Variants in PLXDC2 observed in about 807,000 individuals in gnomAD.
PLXDC2 encodes the protein plexin domain containing 2.
In PLXDC2, 40 loss-of-function variants were observed where a neutral mutation model predicts 68.9. That is an observed-to-expected ratio of 0.58 (90% CI 0.45 to 0.76). The LOEUF (loss-of-function observed/expected upper bound fraction) is 0.76. Ranked by LOEUF, PLXDC2 falls within the 30% of genes least tolerant of loss-of-function variation. The probability of loss-of-function intolerance (pLI) is 0.00; values close to 1 mark genes in which losing one functional copy is unlikely to be tolerated. For synonymous variants in PLXDC2, 243 were observed against 234.2 expected (o/e 1.04, Z -0.34); for missense variants, 644 against 661.9 (o/e 0.97, Z 0.30).
intron 9 of PLXDC2, among the ~76,000 whole-genome samples, chr10:20,203,292 A>T (rs933454431): frequency 2.8e-5 from 4 of 144,720 alleles, no homozygotes; most frequent in Admixed American, 1.4e-4. Flanking sequence ...AATAAGATGA[A>T]TTTTTTTTTT....
intron 1 of PLXDC2, among the ~76,000 whole-genome samples, chr10:19,845,653 T>A (rs1170108217): frequency 4.6e-5 from 7 of 152,152 alleles, no homozygotes; most frequent in African/African-American, 1.7e-4. Context: ...GCCCTGGTGA[T>A]GTTGCAGCTC....
chr10:19,823,223 A>G (rs542331254), intron 1 of PLXDC2, among the ~76,000 whole-genome samples: 1 of 152,254 alleles, frequency 6.6e-6, no homozygotes, highest in Non-Finnish European at 1.5e-5. Flanking sequence ...ATCTTAAAAT[A>G]TGATATACAT....
intron 1 of PLXDC2, among the ~76,000 whole-genome samples, chr10:19,966,100 A>G (rs1834243574): frequency 6.6e-6 from 1 of 151,396 alleles, no homozygotes; most frequent in Non-Finnish European, 1.5e-5. Context: ...ACTAAAAAAC[A>G]CACAGTAAAG....
intron 1 of PLXDC2, among the ~76,000 whole-genome samples, chr10:19,940,998 TG>T (rs1342022963): frequency 1.3e-5 from 2 of 152,236 alleles, no homozygotes; most frequent in Non-Finnish European, 2.9e-5. Flanking sequence ...TCTTTAATTT[TG>T]TAAGTAAATA....
chr10:20,176,382 GCA>G (rs1281432927), intron 7 of PLXDC2, among the ~76,000 whole-genome samples: 1 of 61,044 alleles, frequency 1.6e-5, no homozygotes, highest in Non-Finnish European at 3.6e-5. Flanking sequence ...TCATCATCTC[GCA>G]CAGTTATGTG....
intron 9 of PLXDC2, among the ~76,000 whole-genome samples, chr10:20,207,824 C>T (rs1835013202): frequency 6.6e-6 from 1 of 151,470 alleles, no homozygotes; most frequent in Non-Finnish European, 1.5e-5. Context: ...AGATGGTAGG[C>T]ATAAAATAGC....
chr10:19,979,207 AG>A (rs911113997), intron 1 of PLXDC2, among the ~76,000 whole-genome samples: 3 of 152,136 alleles, frequency 2.0e-5, no homozygotes, highest in Non-Finnish European at 4.4e-5. Context: ...GAAAAAAGGA[AG>A]GGGGAGATTA....
intron 2 of PLXDC2, among the ~76,000 whole-genome samples, chr10:20,021,753 G>A (rs1020510938): frequency 6.6e-6 from 1 of 151,776 alleles, no homozygotes; most frequent in African/African-American, 2.4e-5. Context: ...AGGCTGGAGT[G>A]CAGTGGCGTG....
At chr10:20,086,675 G>C (rs1483870561) in intron 4 of PLXDC2, among the ~76,000 whole-genome samples, 1 of 152,120 alleles carries the variant, frequency 6.6e-6, no homozygotes, top group Non-Finnish European at 1.5e-5. Context: ...ACATAGAAGA[G>C]AAGGTTTTCT....
chr10:20,168,261 G>C (rs1179895472), intron 7 of PLXDC2, among the ~76,000 whole-genome samples: 1 of 152,108 alleles, frequency 6.6e-6, no homozygotes, highest in East Asian at 1.9e-4. Flanking sequence ...ATTGATTTCT[G>C]TAACTTTCTT....
At chr10:20,101,281 T>C (rs145175829) in intron 4 of PLXDC2, among the ~76,000 whole-genome samples, 16 of 152,280 alleles carry the variant, frequency 1.1e-4, no homozygotes, top group Non-Finnish European at 2.1e-4. Flanking sequence ...AAAGTTTGTG[T>C]TGATTCTGAG....
At chr10:19,865,226 A>C (rs1837391228) in intron 1 of PLXDC2, among the ~76,000 whole-genome samples, 2 of 152,178 alleles carry the variant, frequency 1.3e-5, no homozygotes, top group African/African-American at 4.8e-5. Context: ...GTGACTCTTC[A>C]CCTGTAGCCA....
In PLXDC2 at chr10:20,280,900, G is replaced by C. The variant is rs555764387; in HGVS notation, c.*1081G>C. ...GTAATTTTCTTTAAAGCACATAGTA[G>C]TTACATAAATATATATATATAAATA... is the stretch of plus-strand genomic sequence containing the variant. On this transcript the variant is annotated 3_prime_UTR_variant, in exon 14 of 14. Transcript: ENST00000377252. 5.3e-5 allele frequency: 8 copies of C among 151,810 alleles called. No homozygotes were observed. The South Asian group carries it at 1.7e-3, about 32-fold the overall frequency. 9.4% of individuals were successfully genotyped at this position (151,810 alleles called of 1,614,324 possible). A position where few individuals can be genotyped will look rare whatever the true frequency, so the allele number is the denominator to read the frequency against.
At chr10:20,086,168 G>C (rs547993138) in intron 4 of PLXDC2, among the ~76,000 whole-genome samples, 5 of 151,824 alleles carry the variant, frequency 3.3e-5, no homozygotes, top group Admixed American at 2.0e-4. Context: ...GAGAGCTAGT[G>C]CTTGTTGACG....
intron 1 of PLXDC2, among the ~76,000 whole-genome samples, chr10:19,836,315 A>C (rs898821279): frequency 6.6e-6 from 1 of 152,206 alleles, no homozygotes; most frequent in East Asian, 1.9e-4. Flanking sequence ...GAAGACAATC[A>C]GTAGGTGCAT....
chr10:19,854,490 C>T (rs964507424), intron 1 of PLXDC2, among the ~76,000 whole-genome samples: 5 of 152,100 alleles, frequency 3.3e-5, no homozygotes, highest in Admixed American at 2.6e-4. Flanking sequence ...GAGTAGAGGC[C>T]AGAGATTCTA....
At chr10:20,275,947 G>A (rs1008301385) in intron 13 of PLXDC2, among the ~76,000 whole-genome samples, 19 of 78,604 alleles carry the variant, frequency 2.4e-4, no homozygotes, top group African/African-American at 9.3e-4. Context: ...ATTAAAAAAC[G>A]GAAGGAAGGG....
intron 12 of PLXDC2, among the ~76,000 whole-genome samples, chr10:20,224,807 T>G (rs1835264981): frequency 6.6e-6 from 1 of 152,228 alleles, no homozygotes; most frequent in South Asian, 2.1e-4. Flanking sequence ...TTTCTTCTCT[T>G]TGATCGAGTT....
At chr10:19,963,243 C>G (rs1202543151) in intron 1 of PLXDC2, among the ~76,000 whole-genome samples, 1 of 152,148 alleles carries the variant, frequency 6.6e-6, no homozygotes, top group African/African-American at 2.4e-5. Context: ...AGTATGAACA[C>G]TTTCCATTAC....
Sources: allele counts gnomAD v4.1 joint callset (sites outside exome capture counted in the v4.1 genomes callset), GRCh38; gene constraint gnomAD v4.1.1; transcripts MANE v1.5; gene names NCBI Gene and HGNC (gene_info 2026-07-23, HGNC 2026-07-21).